Variants in CCDC141 observed in about 807,000 individuals in gnomAD.
The protein encoded by CCDC141 is coiled-coil domain containing 141.
Under a neutral mutation model 181.0 loss-of-function variants are expected in CCDC141, and 168 were observed. That is an observed-to-expected ratio of 0.93 (90% confidence interval 0.82 to 1.05). CCDC141 has a LOEUF of 1.05. CCDC141 is among the 50% of genes least tolerant of loss of function. The pLI is 0.00. For missense variants in CCDC141, 1,902 were observed against 1,788.5 expected, an observed-to-expected ratio of 1.06 and a Z score of -1.14; for synonymous variants, 666 against 642.3, an observed-to-expected ratio of 1.04 and a Z score of -0.56.
intron 17 of CCDC141, among the ~76,000 whole-genome samples, chr2:178,860,145 C>T (rs1265825470): frequency 1.3e-5 from 2 of 152,110 alleles, no homozygotes; most frequent in African/African-American, 4.8e-5. Flanking sequence ...TTTATTCACT[C>T]CAGAAAAAAA....
At chr2:178,909,418 A>C (rs1369396091) in intron 7 of CCDC141, among the ~76,000 whole-genome samples, 2 of 152,256 alleles carry the variant, frequency 1.3e-5, no homozygotes, top group African/African-American at 4.8e-5. Flanking sequence ...CATTTGTAGA[A>C]TACCTATTGG....
chr2:178,951,497 A>G (rs948828706), intron 5 of CCDC141, among the ~76,000 whole-genome samples: 1 of 152,238 alleles, frequency 6.6e-6, no homozygotes, highest in African/African-American at 2.4e-5. Context: ...AAATTTTAAA[A>G]GATGTCTTAA....
At chr2:178,978,180 T>C (rs543476009) in intron 3 of CCDC141, among the ~76,000 whole-genome samples, 8 of 152,314 alleles carry the variant, frequency 5.3e-5, no homozygotes, top group Admixed American at 1.3e-4. Context: ...TTAGTAACTG[T>C]ATTACTACCT....
intron 2 of CCDC141, among the ~76,000 whole-genome samples, chr2:179,037,535 G>A (rs2043177712): frequency 6.6e-6 from 1 of 152,144 alleles, no homozygotes; most frequent in African/African-American, 2.4e-5. Context: ...CATTCTTAAA[G>A]AATATCATCA....
At chr2:178,926,569 G>A (rs1688915465) in intron 6 of CCDC141, 1 of 152,130 alleles carries the variant, frequency 6.6e-6, no homozygotes, top group Non-Finnish European at 1.5e-5. Context: ...ACAGCCCTGT[G>A]CAATATTGGA....
At chr2:178,956,278 T>C (rs977597695) in intron 5 of CCDC141, among the ~76,000 whole-genome samples, 1 of 152,178 alleles carries the variant, frequency 6.6e-6, no homozygotes, top group African/African-American at 2.4e-5. Flanking sequence ...TGTTTTAAGA[T>C]TCAGAGTCTA....
intron 16 of CCDC141, among the ~76,000 whole-genome samples, chr2:178,867,759 T>A: frequency 6.6e-6 from 1 of 152,212 alleles, no homozygotes; most frequent in East Asian, 1.9e-4. Context: ...ACTGCCACAC[T>A]GGACTATACA....
chr2:178,945,879 C>T (rs1418428570), intron 5 of CCDC141, among the ~76,000 whole-genome samples: 1 of 128,256 alleles, frequency 7.8e-6, no homozygotes, highest in Non-Finnish European at 1.7e-5. Flanking sequence ...ACACACACAT[C>T]AGAGTTAAGG....
intron 2 of CCDC141, among the ~76,000 whole-genome samples, chr2:179,001,049 G>A (rs556270718): frequency 2.6e-5 from 4 of 152,220 alleles, no homozygotes; most frequent in Admixed American, 6.5e-5. Context: ...GCACTGCAGA[G>A]CAGTGTTTCT....
intron 2 of CCDC141, among the ~76,000 whole-genome samples, chr2:178,992,671 T>G (rs934071446): frequency 1.1e-4 from 17 of 152,162 alleles, no homozygotes; most frequent in African/African-American, 3.9e-4. Flanking sequence ...AGTGAGTCTA[T>G]CATTGCTCTT....
intron 6 of CCDC141, among the ~76,000 whole-genome samples, chr2:178,922,244 T>G (rs1688724941): frequency 6.6e-6 from 1 of 152,196 alleles, no homozygotes; most frequent in Non-Finnish European, 1.5e-5. Flanking sequence ...TATCATATCC[T>G]TATGAGGTAG....
intron 2 of CCDC141, among the ~76,000 whole-genome samples, chr2:179,014,047 C>G (rs2042354513): frequency 6.6e-6 from 1 of 150,414 alleles, no homozygotes; most frequent in African/African-American, 2.4e-5. Context: ...GCCATAGTCA[C>G]CAAAACAGCA....
In CCDC141 at chr2:178,984,089, G is replaced by A. The variant is rs577674412; in HGVS notation, c.226-5414C>T. Among the ~76,000 whole-genome samples the A allele has an allele frequency of 7.9e-4, 120 of 152,250 alleles. 2 individuals carry two copies. Among genetic ancestry groups the A allele is most frequent in the African/African-American group, 2.8e-3 (115 of 41,536 alleles). On this transcript the variant is annotated intron_variant, in intron 2 of 23. Coordinates refer to ENST00000443758, the MANE Select transcript of CCDC141 (RefSeq NM_173648.4). ...AGAAAGGTCGGGTTACCCTCAAAGG[G>A]AAGCCCATCAGACTAACAGTGGATC...
At chr2:178,855,975 A>G (rs1477024778) in intron 18 of CCDC141, among the ~76,000 whole-genome samples, 2 of 152,310 alleles carry the variant, frequency 1.3e-5, no homozygotes, top group South Asian at 4.2e-4. Flanking sequence ...AGGCACGTGC[A>G]TGCATCCATG....
intron 2 of CCDC141, among the ~76,000 whole-genome samples, chr2:179,015,623 A>G (rs1365871881): frequency 7.2e-6 from 1 of 138,468 alleles, no homozygotes; most frequent in African/African-American, 2.7e-5. Context: ...TAGCTCATAT[A>G]TATCTCACAT....
chr2:179,000,073 C>G (rs1050528159), intron 2 of CCDC141, among the ~76,000 whole-genome samples: 2 of 151,388 alleles, frequency 1.3e-5, no homozygotes, highest in African/African-American at 4.9e-5. Context: ...CACACACACA[C>G]ACACACACAC....
chr2:178,897,623 A>C (rs1687476219), intron 8 of CCDC141, among the ~76,000 whole-genome samples: 1 of 152,228 alleles, frequency 6.6e-6, no homozygotes, highest in South Asian at 2.1e-4. Context: ...ATGAAACCTT[A>C]TACAGTCCTT....
At chr2:178,909,449 C>T (rs920897976) in intron 7 of CCDC141, among the ~76,000 whole-genome samples, 1 of 152,162 alleles carries the variant, frequency 6.6e-6, no homozygotes, top group African/African-American at 2.4e-5. Flanking sequence ...TGGATACTGA[C>T]CTCAATCCTA....
intron 8 of CCDC141, among the ~76,000 whole-genome samples, chr2:178,899,644 T>G (rs1048447106): frequency 6.6e-6 from 1 of 151,870 alleles, no homozygotes; most frequent in Non-Finnish European, 1.5e-5. Flanking sequence ...TTTTTTGGTG[T>G]CTGGTAATAG....
Sources: gnomAD v4.1 joint callset for allele counts (sites outside exome capture counted in the v4.1 genomes callset) on GRCh38, gnomAD v4.1.1 for gene constraint, MANE v1.5 for transcripts, NCBI Gene and HGNC (gene_info 2026-07-23, HGNC 2026-07-21) for gene names.